HCRTR2: variants seen among roughly 807,000 people sequenced by gnomAD.
HCRTR2 encodes the protein orexin receptor type 2.
HCRTR2 carries 22 observed loss-of-function variants against 49.0 expected under a neutral mutation model. That is an observed-to-expected ratio of 0.45 (90% CI 0.32 to 0.64). The LOEUF is 0.64. Among genes scored for constraint, HCRTR2 ranks in the 30% least tolerant of loss-of-function variants. HCRTR2 has a pLI of 0.04. For missense variants in HCRTR2, 491 were observed against 559.4 expected, an observed-to-expected ratio of 0.88 and a Z score of 1.23; for synonymous variants, 236 against 205.3, an observed-to-expected ratio of 1.15 and a Z score of -1.28.
chr6:55,138,523 G>A (rs1466580433), intron 1 of HCRTR2, among the ~76,000 whole-genome samples: 2 of 152,128 alleles, frequency 1.3e-5, no homozygotes, highest in South Asian at 2.1e-4. Flanking sequence ...CACGGTAGTC[G>A]TATTTTATTC....
At chr6:55,228,212 G>C (rs558555491) in intron 1 of HCRTR2, among the ~76,000 whole-genome samples, 11 of 145,704 alleles carry the variant, frequency 7.5e-5, no homozygotes, top group African/African-American at 2.7e-4. Context: ...AATGGGGATA[G>C]ACAAAAGTTT....
intron 1 of HCRTR2, among the ~76,000 whole-genome samples, chr6:55,126,963 G>T (rs1486976599): frequency 6.6e-6 from 1 of 152,114 alleles, no homozygotes. Flanking sequence ...CTGCTGTGCT[G>T]GCAGCAAGAA....
chr6:55,130,169 C>A (rs1057499318), intron 1 of HCRTR2, among the ~76,000 whole-genome samples: 1 of 151,928 alleles, frequency 6.6e-6, no homozygotes, highest in African/African-American at 2.4e-5. Context: ...CATTTGATCA[C>A]TAATCTAAGG....
chr6:55,184,109 A>G lies in HCRTR2; in HGVS notation c.223+9299A>G, dbSNP rs546624318. Among the ~76,000 whole-genome samples, 12 of 152,144 alleles carry G rather than the reference A, an allele frequency of 7.9e-5. 3 individuals are homozygous for G. Among genetic ancestry groups the G allele is most frequent in the African/African-American group, 2.6e-4 (11 of 41,520 alleles). On this transcript the variant is annotated intron_variant, in intron 1 of 6. Transcript: ENST00000370862. ...CGAGCAGCTAATTTTTTGAATTCTT[A>G]GTAGAGATGGGATTTCACCGTGTTG...
At chr6:55,234,360 T>A (rs1333940892) in intron 1 of HCRTR2, among the ~76,000 whole-genome samples, 1 of 152,036 alleles carries the variant, frequency 6.6e-6, no homozygotes, top group Non-Finnish European at 1.5e-5. Context: ...AAATGACACA[T>A]ACAATTTAAG....
At chr6:55,144,099 CTTTTTTTTTTT>C (rs530138605) in intron 1 of HCRTR2, among the ~76,000 whole-genome samples, 72 of 85,382 alleles carry the variant, frequency 8.4e-4, no homozygotes, top group African/African-American at 4.3e-3. Context: ...CCCGTCCTGC[CTTTTTTTTTTT>C]TTTTTTTTTT....
intron 1 of HCRTR2, among the ~76,000 whole-genome samples, chr6:55,137,243 G>A (rs1221125333): frequency 6.6e-6 from 1 of 152,110 alleles, no homozygotes; most frequent in Non-Finnish European, 1.5e-5. Context: ...ACCCTTCAGA[G>A]TAGATACAAA....
upstream of HCRTR2, chr6:55,174,472 G>A: frequency 1.1e-6 from 1 of 881,072 alleles, no homozygotes; most frequent in Non-Finnish European, 1.9e-6. Context: ...GTCATTTTCT[G>A]CTCGGGAGCC....
chr6:55,120,954 G>A (rs2127237241), intron 1 of HCRTR2, among the ~76,000 whole-genome samples: 1 of 152,160 alleles, frequency 6.6e-6, no homozygotes, highest in South Asian at 2.1e-4. Flanking sequence ...TCTTGGCAAT[G>A]TGGGCTCTTT....
At chr6:55,156,369 TTTAA>T (rs1254444246) in intron 1 of HCRTR2, among the ~76,000 whole-genome samples, 1 of 152,110 alleles carries the variant, frequency 6.6e-6, no homozygotes, top group Non-Finnish European at 1.5e-5. Flanking sequence ...AATAATCTTA[TTTAA>T]TTATCACAAC....
At chr6:55,223,888 T>C (rs1765946806) in intron 1 of HCRTR2, among the ~76,000 whole-genome samples, 1 of 152,202 alleles carries the variant, frequency 6.6e-6, no homozygotes. Flanking sequence ...GGAAGTTATT[T>C]ATATGCAGAG....
intron 1 of HCRTR2, among the ~76,000 whole-genome samples, chr6:55,130,369 CT>C (rs984278675): frequency 1.3e-5 from 2 of 149,020 alleles, no homozygotes; most frequent in African/African-American, 5.0e-5. Context: ...AATTGGTAAC[CT>C]TTTTTTTGTT....
intron 1 of HCRTR2, among the ~76,000 whole-genome samples, chr6:55,151,038 T>C (rs1581796122): frequency 6.6e-6 from 1 of 152,048 alleles, no homozygotes; most frequent in Non-Finnish European, 1.5e-5. Flanking sequence ...TTAAAAATAT[T>C]TTATTACTAA....
chr6:55,135,529 A>C (rs1050811982), intron 1 of HCRTR2, among the ~76,000 whole-genome samples: 12 of 152,086 alleles, frequency 7.9e-5, no homozygotes, highest in Admixed American at 2.6e-4. Flanking sequence ...CATATTTTAG[A>C]GCAATCAGTT....
chr6:55,151,967 T>C (rs1282126940), intron 1 of HCRTR2, among the ~76,000 whole-genome samples: 1 of 151,984 alleles, frequency 6.6e-6, no homozygotes, highest in Non-Finnish European at 1.5e-5. Flanking sequence ...TCTTTTTTTC[T>C]AAACAGTAAG....
chr6:55,205,366 A>G (rs1395292762), intron 1 of HCRTR2, among the ~76,000 whole-genome samples: 1 of 152,214 alleles, frequency 6.6e-6, no homozygotes, highest in Non-Finnish European at 1.5e-5. Context: ...TGGCTGGGGA[A>G]GAAGGAATCT....
chr6:55,203,839 G>A (rs775010180), intron 1 of HCRTR2, among the ~76,000 whole-genome samples: 36 of 151,646 alleles, frequency 2.4e-4, no homozygotes, highest in Non-Finnish European at 4.0e-4. Flanking sequence ...AAGAATCTCT[G>A]GTAAGAAATT....
At chr6:55,134,555 T>C (rs1764408150) in intron 1 of HCRTR2, among the ~76,000 whole-genome samples, 1 of 151,900 alleles carries the variant, frequency 6.6e-6, no homozygotes, top group Non-Finnish European at 1.5e-5. Context: ...CACTATGCTA[T>C]ATATTAGATC....
At chr6:55,219,327 A>G (rs1223146501) in intron 1 of HCRTR2, among the ~76,000 whole-genome samples, 2 of 152,268 alleles carry the variant, frequency 1.3e-5, no homozygotes, top group African/African-American at 4.8e-5. Context: ...ATTTAAAAAT[A>G]CAGAAATCAT....
Sources: gnomAD v4.1 joint callset for allele counts (sites outside exome capture counted in the v4.1 genomes callset) on GRCh38, gnomAD v4.1.1 for gene constraint, MANE v1.5 for transcripts, NCBI Gene and HGNC (gene_info 2026-07-23, HGNC 2026-07-21) for gene names.